MGAT3: variants seen among roughly 807,000 people sequenced by gnomAD.
MGAT3 encodes GlcNAc-T III.
A neutral mutation model predicts 29.8 loss-of-function variants in MGAT3; 9 were observed. That is an observed-to-expected ratio of 0.30 (90% CI 0.18 to 0.53). The LOEUF (loss-of-function observed/expected upper bound fraction) is 0.53. MGAT3 is among the 20% of genes least tolerant of loss of function. MGAT3 has a pLI of 0.96. For synonymous variants in MGAT3, 397 were observed against 348.9 expected (o/e 1.14, Z -1.54); for missense variants, 557 against 769.5 (o/e 0.72, Z 3.27).
chr22:39,473,796 A>G (rs1163615999), intron 1 of MGAT3, among the ~76,000 whole-genome samples: 1 of 149,216 alleles, frequency 6.7e-6, no homozygotes, highest in African/African-American at 2.5e-5. Flanking sequence ...GCTAGGGGAA[A>G]ATAATGGGGG....
intron 1 of MGAT3, among the ~76,000 whole-genome samples, chr22:39,462,870 C>T (rs1928535550): frequency 6.6e-6 from 1 of 152,236 alleles, no homozygotes. Context: ...TGGCTCAAAA[C>T]TTTGGTTCTT....
At chr22:39,485,649 G>A (rs1041741600) in intron 1 of MGAT3, among the ~76,000 whole-genome samples, 1 of 152,088 alleles carries the variant, frequency 6.6e-6, no homozygotes, top group Non-Finnish European at 1.5e-5. Flanking sequence ...AAATTAGCTG[G>A]GTGTGGTGGT....
intron 1 of MGAT3, chr22:39,477,614 G>A (rs896058972): frequency 2.0e-5 from 3 of 151,816 alleles, no homozygotes; most frequent in African/African-American, 7.3e-5. Flanking sequence ...CATGCAGAAT[G>A]CTTTGACACC....
intron 1 of MGAT3, among the ~76,000 whole-genome samples, chr22:39,480,445 C>T (rs1447127835): frequency 6.6e-6 from 1 of 152,194 alleles, no homozygotes; most frequent in Non-Finnish European, 1.5e-5. Context: ...GGACCTCAAG[C>T]CACGTACATC....
Position 39,457,387 on chromosome 22 carries a change from C to G in MGAT3, c.-172C>G, listed in dbSNP as rs1928361394. 2 of 145,204 alleles carry G rather than the reference C, an allele frequency of 1.4e-5. No individual in the cohort carries two copies. The highest frequency in any genetic ancestry group is 1.5e-5 in the Non-Finnish European group (1 of 65,242). 9.0% of individuals were successfully genotyped at this position (145,204 alleles called of 1,614,324 possible). On this transcript the variant is annotated 5_prime_UTR_variant, in exon 1 of 2. Coordinates refer to ENST00000341184, the MANE Select transcript of MGAT3 (RefSeq NM_002409.5). This position sits in a 1 kb window ranked among gnomAD's most constrained non-coding sequence, Gnocchi z 6.8. ...TGGGGGGAGGGGATCGGGGCCGGGC[C>G]GGGGCCGCGCTGCCTGCGATGCCGG...
At position 39,488,496 on chromosome 22, in the gene MGAT3, C is replaced by T. The variant is rs1453972470; in HGVS notation, c.1149C>T (p.Arg383=). 6.2e-7 allele frequency: 1 copy of T among 1,613,110 alleles called. No homozygotes were observed. The highest frequency in any genetic ancestry group is 1.3e-5 in the African/African-American group (1 of 75,056). ...VYGLDGIRLR[R]RQYYTMPNFR... Reference sequence around the variant, plus strand: ...GGCTGGACGGCATCCGCCTGCGCCGCCGCCAGTACTACACCATGCCCAACT... The same window carrying T: ...GGCTGGACGGCATCCGCCTGCGCCGTCGCCAGTACTACACCATGCCCAACT... The change falls in exon 2 of 2, where the codon CGC becomes CGT. Residue 383 remains arginine, a synonymous_variant. Transcript: ENST00000341184.
rs145932491 is a variant in MGAT3 at position 39,467,771 on chromosome 22, G to A, written c.-2+10214G>A. ...CTTTCAGATGGAGTCTGGATCTGTC[G>A]CCCAGGCTAGAGTGCAATGGCAATC... is the stretch of plus-strand genomic sequence containing the variant. On this transcript the variant is annotated intron_variant, in intron 1 of 1. Coordinates refer to ENST00000341184, the MANE Select transcript of MGAT3 (RefSeq NM_002409.5). Among the ~76,000 whole-genome samples, 874 of 139,868 alleles carry A rather than the reference G, an allele frequency of 6.2e-3. 6 individuals carry two copies. The highest frequency in any genetic ancestry group is 0.022 in the African/African-American group (819 of 37,224). The allele number at this position is 139,868 out of a possible 152,430, so 91.8% of individuals were successfully genotyped here.
intron 1 of MGAT3, among the ~76,000 whole-genome samples, chr22:39,486,927 A>G (rs1929288515): frequency 2.0e-5 from 3 of 152,252 alleles, no homozygotes; most frequent in Non-Finnish European, 2.9e-5. Context: ...GGGGAGGGAC[A>G]GGACCCAGGA....
chr22:39,483,080 G>A (rs549635766), intron 1 of MGAT3, among the ~76,000 whole-genome samples: 1 of 152,334 alleles, frequency 6.6e-6, no homozygotes, highest in Non-Finnish European at 1.5e-5. Flanking sequence ...TAAAGCCTTT[G>A]TTCATGCTGC....
chr22:39,478,280 C>T (rs1387511015), intron 1 of MGAT3, among the ~76,000 whole-genome samples: 1 of 152,244 alleles, frequency 6.6e-6, no homozygotes, highest in African/African-American at 2.4e-5. Context: ...TTGTTTCTGG[C>T]ATCCTCCAAA....
At chr22:39,460,244 G>T (rs1928459973) in intron 1 of MGAT3, among the ~76,000 whole-genome samples, 1 of 152,218 alleles carries the variant, frequency 6.6e-6, no homozygotes, top group Non-Finnish European at 1.5e-5. Flanking sequence ...AGTGTCCTCA[G>T]GTAGGGGTAA....
At chr22:39,460,419 G>A (rs1399635803) in intron 1 of MGAT3, among the ~76,000 whole-genome samples, 1 of 152,186 alleles carries the variant, frequency 6.6e-6, no homozygotes, top group Admixed American at 6.5e-5. Flanking sequence ...CTAGTGGCCC[G>A]GTTCAAATCC....
rs780804519 is a variant in MGAT3 at position 39,489,104 on chromosome 22, G to A, written c.*155G>A. The A allele has an allele frequency of 2.9e-5, 29 of 1,016,494 alleles. No homozygotes were observed. Among genetic ancestry groups the A allele is most frequent in the Non-Finnish European group, 4.0e-5 (28 of 704,242 alleles). The allele number at this position is 1,016,494 out of a possible 1,614,324, so 63.0% of individuals were successfully genotyped here. ...AGGGTTTCCCTACTGAAGCCCTTGTGAATCAAGGGTCAGGCCTTTGAGCTC... is the reference window on the plus strand; with the variant it reads ...AGGGTTTCCCTACTGAAGCCCTTGTAAATCAAGGGTCAGGCCTTTGAGCTC... On this transcript the variant is annotated 3_prime_UTR_variant, in exon 2 of 2. Coordinates refer to ENST00000341184, the MANE Select transcript of MGAT3 (RefSeq NM_002409.5).
chr22:39,462,941 G>A (rs1844317616), intron 1 of MGAT3, among the ~76,000 whole-genome samples: 1 of 152,212 alleles, frequency 6.6e-6, no homozygotes, highest in African/African-American at 2.4e-5. Context: ...ACAGACCTGT[G>A]CACGTGCCAG....
intron 1 of MGAT3, among the ~76,000 whole-genome samples, chr22:39,479,570 C>A (rs867704605): frequency 1.3e-5 from 2 of 152,246 alleles, no homozygotes; most frequent in Non-Finnish European, 2.9e-5. Context: ...GACTCACCTC[C>A]AAGCCTCTGC....
chr22:39,478,867 G>A (rs1225264695), intron 1 of MGAT3, among the ~76,000 whole-genome samples: 1 of 152,212 alleles, frequency 6.6e-6, no homozygotes, highest in Non-Finnish European at 1.5e-5. Context: ...CAGAGCTAGA[G>A]AAAAATGGCA....
At chr22:39,468,743 G>C (rs1928725638) in intron 1 of MGAT3, among the ~76,000 whole-genome samples, 1 of 151,990 alleles carries the variant, frequency 6.6e-6, no homozygotes. Context: ...TTTTGTGTGG[G>C]GCTCAGTGCT....
chr22:39,467,005 G>T (rs898469173), intron 1 of MGAT3, among the ~76,000 whole-genome samples: 2 of 152,226 alleles, frequency 1.3e-5, no homozygotes, highest in African/African-American at 4.8e-5. Flanking sequence ...ACTGAGCTAG[G>T]TGGCAGGGGC....
intron 1 of MGAT3, among the ~76,000 whole-genome samples, chr22:39,486,441 C>T (rs1032770091): frequency 6.6e-6 from 1 of 152,046 alleles, no homozygotes; most frequent in Non-Finnish European, 1.5e-5. Context: ...CTGCACTGGC[C>T]GACCTCAAAT....
Sources: gnomAD v4.1 joint callset for allele counts (sites outside exome capture counted in the v4.1 genomes callset) on GRCh38, gnomAD v4.1.1 for gene constraint, Gnocchi (gnomAD v3.1) non-coding constraint, MANE v1.5 for transcripts, NCBI Gene and HGNC (gene_info 2026-07-23, HGNC 2026-07-21) for gene names.